Variants in SCAPER observed in about 807,000 individuals in gnomAD.
SCAPER encodes S-phase cyclin A associated protein in the ER.
SCAPER carries 98 observed loss-of-function variants against 182.2 expected under a neutral mutation model. The ratio of observed to expected loss-of-function variants is 0.54; its 90% CI spans 0.46 to 0.64. The LOEUF (loss-of-function observed/expected upper bound fraction) is 0.64, where lower values mean the gene tolerates loss of function less well. Ranked by LOEUF, SCAPER falls within the 30% of genes least tolerant of loss-of-function variation. SCAPER has a pLI of 0.00. For missense variants in SCAPER, 1,432 were observed against 1,690.0 expected (o/e 0.85, Z 2.68); for synonymous variants, 605 against 564.6 (o/e 1.07, Z -1.01).
intron 4 of SCAPER, among the ~76,000 whole-genome samples, chr15:76,845,935 T>C (rs1568321036): frequency 6.6e-6 from 1 of 152,022 alleles, no homozygotes; most frequent in South Asian, 2.1e-4. Context: ...ATTACCTGAA[T>C]TAAAGTTATA....
intron 24 of SCAPER, among the ~76,000 whole-genome samples, chr15:76,478,666 A>C (rs534803429): frequency 6.6e-6 from 1 of 152,202 alleles, no homozygotes; most frequent in South Asian, 2.1e-4. Context: ...TCCCATGAAG[A>C]GGTATTAAAT....
At position 76,728,572 on chromosome 15, in the gene SCAPER, C is replaced by T. The variant is rs1185864467; in HGVS notation, c.2165+23G>A. ...GAATATTCACTCAGTGCAAAATGTT[C>T]ATCAAGATAGCAAATGAGATACCTA... On this transcript the variant is annotated intron_variant, in intron 17 of 31. Coordinates refer to ENST00000563290, the MANE Select transcript of SCAPER (RefSeq NM_020843.4). 1.9e-6 allele frequency: 3 copies of T among 1,612,514 alleles called. No individual in the cohort carries two copies. In the African/African-American group the frequency reaches 4.0e-5, roughly 22 times the overall value.
chr15:76,363,981 A>G (rs933731720), intron 29 of SCAPER, among the ~76,000 whole-genome samples: 1 of 152,200 alleles, frequency 6.6e-6, no homozygotes, highest in Admixed American at 6.5e-5. Context: ...AATGACCTCT[A>G]TGTGTCATAA....
chr15:76,475,206 GTC>G (rs1426711338), intron 24 of SCAPER, among the ~76,000 whole-genome samples: 1 of 152,014 alleles, frequency 6.6e-6, no homozygotes, highest in East Asian at 1.9e-4. Context: ...TGTACTTCTA[GTC>G]TTTTTCCTAT....
intron 21 of SCAPER, among the ~76,000 whole-genome samples, chr15:76,652,371 C>CAGATAT: frequency 1.2e-4 from 1 of 8,066 alleles, no homozygotes; most frequent in Non-Finnish European, 2.1e-4. Context: ...CACACACACA[C>CAGATAT]ATATATATAT....
rs1482612873 is a variant in SCAPER at position 76,825,294 on chromosome 15, C to T, written c.393+16440G>A. Among the ~76,000 whole-genome samples, 4 of 152,108 alleles carry T rather than the reference C, an allele frequency of 2.6e-5. 1 individual carries two copies. Among genetic ancestry groups the T allele is most frequent in the Non-Finnish European group, 5.9e-5 (4 of 68,026 alleles). On this transcript the variant is annotated intron_variant, in intron 5 of 31. Coordinates refer to ENST00000563290, the MANE Select transcript of SCAPER (RefSeq NM_020843.4). Reference sequence around the variant, plus strand: ...TCACACAACTAGCTTAGAGGACACACTAACATGACTGTTAACTGATGATAG... The same window carrying T: ...TCACACAACTAGCTTAGAGGACACATTAACATGACTGTTAACTGATGATAG...
intron 22 of SCAPER, among the ~76,000 whole-genome samples, chr15:76,621,008 AT>A (rs1230125640): frequency 6.6e-6 from 1 of 152,160 alleles, no homozygotes; most frequent in Non-Finnish European, 1.5e-5. Context: ...AGAACTTAAA[AT>A]TAAAAAAAAA....
At chr15:76,681,950 G>A (rs890953898) in intron 20 of SCAPER, among the ~76,000 whole-genome samples, 1 of 152,170 alleles carries the variant, frequency 6.6e-6, no homozygotes, top group Non-Finnish European at 1.5e-5. Flanking sequence ...ACAGGGCAAA[G>A]TGGTCTTGCC....
intron 23 of SCAPER, among the ~76,000 whole-genome samples, chr15:76,528,126 T>C (rs1302760346): frequency 6.6e-6 from 1 of 152,216 alleles, no homozygotes; most frequent in Non-Finnish European, 1.5e-5. Flanking sequence ...AGATAAAATG[T>C]AATCATTAAT....
chr15:76,766,458 A>T (rs2063123505), intron 11 of SCAPER, among the ~76,000 whole-genome samples: 1 of 151,996 alleles, frequency 6.6e-6, no homozygotes, highest in Non-Finnish European at 1.5e-5. Context: ...TCTATAAATT[A>T]TAATCTCAGT....
At chr15:76,483,683 CA>C (rs1340093566) in intron 24 of SCAPER, among the ~76,000 whole-genome samples, 1 of 151,900 alleles carries the variant, frequency 6.6e-6, no homozygotes, top group Non-Finnish European at 1.5e-5. Flanking sequence ...AAAAAGTGGG[CA>C]GAAGATCTAA....
intron 24 of SCAPER, among the ~76,000 whole-genome samples, chr15:76,499,010 T>C (rs1437259677): frequency 6.6e-6 from 1 of 152,204 alleles, no homozygotes; most frequent in Non-Finnish European, 1.5e-5. Flanking sequence ...AAAAGAATTA[T>C]TTTTCCTATT....
rs1210124242 is a variant in SCAPER at position 76,603,763 on chromosome 15, G to T, written c.2711+18001C>A. Among the ~76,000 whole-genome samples the T allele has an allele frequency of 1.6e-5, 2 of 121,708 alleles. 1 individual carries two copies. The highest frequency in any genetic ancestry group is 4.0e-5 in the Non-Finnish European group (2 of 50,084). The allele number at this position is 121,708 out of a possible 152,430, so 79.8% of individuals were successfully genotyped here. ...TGGTATCTCATTGTGGTTTTGATTT[G>T]CATTTCTCTGATGGACAGTGATGAT... On this transcript the variant is annotated intron_variant, in intron 22 of 31. Coordinates refer to ENST00000563290, the MANE Select transcript of SCAPER (RefSeq NM_020843.4).
chr15:76,646,176 C>G (rs2054528126), intron 21 of SCAPER, among the ~76,000 whole-genome samples: 1 of 152,148 alleles, frequency 6.6e-6, no homozygotes, highest in African/African-American at 2.4e-5. Context: ...TATAAAAAGA[C>G]ATAGTACAGT....
chr15:76,819,315 G>A (rs2067330581), intron 5 of SCAPER, among the ~76,000 whole-genome samples: 2 of 152,216 alleles, frequency 1.3e-5, no homozygotes, highest in South Asian at 2.1e-4. Flanking sequence ...TCCCCAAGTA[G>A]CCTAACTGGG....
intron 25 of SCAPER, among the ~76,000 whole-genome samples, chr15:76,460,668 CTG>C (rs1443334987): frequency 6.6e-6 from 1 of 152,076 alleles, no homozygotes; most frequent in East Asian, 1.9e-4. Context: ...CTGTTTCATA[CTG>C]TCTCATAAGT....
chr15:76,536,185 A>C (rs893130090), intron 23 of SCAPER, among the ~76,000 whole-genome samples: 1 of 152,208 alleles, frequency 6.6e-6, no homozygotes, highest in Non-Finnish European at 1.5e-5. Context: ...ATAAACTTAT[A>C]ATGTCCAATA....
chr15:76,643,656 C>T (rs1286811552), intron 21 of SCAPER, among the ~76,000 whole-genome samples: 1 of 152,132 alleles, frequency 6.6e-6, no homozygotes, highest in East Asian at 1.9e-4. Context: ...CACTCCGGCC[C>T]AGGTGACAGG....
intron 24 of SCAPER, chr15:76,472,206 G>C (rs1596841405): frequency 1.9e-6 from 1 of 519,180 alleles, no homozygotes; most frequent in Non-Finnish European, 3.7e-6. Context: ...TCCAAAGCCA[G>C]AGCCCAACCC....
Sources: gnomAD v4.1 joint callset for allele counts (sites outside exome capture counted in the v4.1 genomes callset) on GRCh38, gnomAD v4.1.1 for gene constraint, MANE v1.5 for transcripts, NCBI Gene and HGNC (gene_info 2026-07-23, HGNC 2026-07-21) for gene names.